Variants in FRAS1 observed in about 807,000 individuals in gnomAD.
The protein encoded by FRAS1 is extracellular matrix organizing protein FRAS1.
A neutral mutation model predicts 435.2 loss-of-function variants in FRAS1; 290 were observed. The observed-to-expected ratio is 0.67, with a 90% CI of 0.61 to 0.73. The LOEUF is 0.73. Ranked by LOEUF, FRAS1 falls within the 30% of genes least tolerant of loss-of-function variation. FRAS1 has a pLI of 0.00. For synonymous variants in FRAS1, 1,800 were observed against 1,851.0 expected (o/e 0.97, Z 0.71); for missense variants, 4,860 against 5,001.5 (o/e 0.97, Z 0.85).
chr4:78,366,091 G>A (rs1221386955), intron 22 of FRAS1, among the ~76,000 whole-genome samples: 1 of 152,196 alleles, frequency 6.6e-6, no homozygotes, highest in Non-Finnish European at 1.5e-5. Context: ...ATTAAGGGAG[G>A]CAGTCATAAC....
chr4:78,160,382 A>G (rs61043282), intron 2 of FRAS1, among the ~76,000 whole-genome samples: 1,541 of 152,324 alleles, frequency 0.01, 28 homozygotes, highest in African/African-American at 0.035. Flanking sequence ...CAACATATCA[A>G]ATATGCAGAC....
intron 2 of FRAS1, among the ~76,000 whole-genome samples, chr4:78,235,691 G>A (rs576805691): frequency 8.0e-4 from 122 of 152,342 alleles, no homozygotes; most frequent in Non-Finnish European, 1.4e-3. Flanking sequence ...GCTCATGCCT[G>A]TAGGCCCAGC....
chr4:78,094,943 A>G (rs1385161674), intron 2 of FRAS1, among the ~76,000 whole-genome samples: 1 of 152,156 alleles, frequency 6.6e-6, no homozygotes, highest in African/African-American at 2.4e-5. Context: ...GTTTATATAT[A>G]TTATTTAATC....
At chr4:78,270,440 G>A (rs1726604882) in intron 9 of FRAS1, among the ~76,000 whole-genome samples, 2 of 152,124 alleles carry the variant, frequency 1.3e-5, no homozygotes, top group Non-Finnish European at 2.9e-5. Flanking sequence ...AGCAGGGCAA[G>A]GCAGCTCACA....
At chr4:78,357,892 C>A (rs1406748789) in intron 20 of FRAS1, among the ~76,000 whole-genome samples, 3 of 152,158 alleles carry the variant, frequency 2.0e-5, no homozygotes, top group African/African-American at 7.2e-5. Context: ...CAGAGGGACA[C>A]TTTGTCTTAC....
chr4:78,266,695 T>G (rs1235592505), intron 7 of FRAS1, 139 bp from the exon 8 acceptor site: 4 of 670,116 alleles, frequency 6.0e-6, no homozygotes, highest in African/African-American at 5.4e-5. Flanking sequence ...CCTATCTAAA[T>G]GTTTTCATTT....
chr4:78,240,785 C>G (rs943139276), intron 3 of FRAS1, among the ~76,000 whole-genome samples: 1 of 152,140 alleles, frequency 6.6e-6, no homozygotes, highest in Non-Finnish European at 1.5e-5. Context: ...TTGGGGAGCA[C>G]AGTCATTTAA....
chr4:78,292,890 G>T (rs940052878), intron 14 of FRAS1, among the ~76,000 whole-genome samples: 8 of 152,156 alleles, frequency 5.3e-5, no homozygotes, highest in African/African-American at 1.9e-4. Context: ...TAAATCCTAT[G>T]CATTGTTCAG....
intron 2 of FRAS1, chr4:78,181,075 T>G: frequency 1.3e-6 from 2 of 1,568,546 alleles, no homozygotes; most frequent in Non-Finnish European, 1.8e-6. Context: ...TGATGGTCCA[T>G]AACTGAATCC....
chr4:78,194,823 G>A (rs1474411825), intron 2 of FRAS1, among the ~76,000 whole-genome samples: 8 of 152,120 alleles, frequency 5.3e-5, no homozygotes, highest in African/African-American at 1.2e-4. Context: ...GAGGAGCTGC[G>A]TTCCTTTGGA....
chr4:78,421,390 C>T (rs1417262388), intron 33 of FRAS1, among the ~76,000 whole-genome samples: 1 of 152,092 alleles, frequency 6.6e-6, no homozygotes, highest in African/African-American at 2.4e-5. Flanking sequence ...TCAGGTGATC[C>T]ACCCACCTCA....
chr4:78,152,653 CTGAT>C (rs1720718346), intron 2 of FRAS1, among the ~76,000 whole-genome samples: 1 of 100,568 alleles, frequency 9.9e-6, no homozygotes, highest in Non-Finnish European at 1.8e-5. Flanking sequence ...GCGATATTTG[CTGAT>C]TGATTGAGAA....
intron 3 of FRAS1, among the ~76,000 whole-genome samples, chr4:78,238,135 A>G (rs1202619959): frequency 6.6e-6 from 1 of 152,062 alleles, no homozygotes; most frequent in Non-Finnish European, 1.5e-5. Flanking sequence ...TGGGTCTGCC[A>G]CTGATTGTAT....
Position 78,375,788 on chromosome 4 carries a change from CTG to C in FRAS1, c.3204_3205del (p.Cys1068Ter), listed in dbSNP as rs754797599. ...QCSHRDRCHL[C>X]DHGFFLKSGL... ...GCAGCCACAGGGACCGTTGTCACCTCTGTGACCATGGGTTCTTTCTGAAGAGT... is the reference window on the plus strand; with the variant it reads ...GCAGCCACAGGGACCGTTGTCACCTCTGACCATGGGTTCTTTCTGAAGAGT... On this transcript the variant is annotated frameshift_variant, in exon 26 of 74. Transcript: ENST00000512123. LOFTEE classifies it high-confidence loss of function. 1.9e-6 allele frequency: 3 copies of C among 1,612,090 alleles called. No individual in the cohort carries two copies. Among genetic ancestry groups the C allele is most frequent in the Non-Finnish European group, 2.5e-6 (3 of 1,179,024 alleles).
At position 78,511,409 on chromosome 4, in the gene FRAS1, A is replaced by T. The variant is rs753667156; in HGVS notation, c.9916A>T (p.Thr3306Ser). ...TIGTDSAICH[T>S]PVVAGTSRGF... ...TGGAACAGACAGTGCTATCTGCCACACACCAGTGGTGGCTGGGACATCCAG... is the reference window on the plus strand; with the variant it reads ...TGGAACAGACAGTGCTATCTGCCACTCACCAGTGGTGGCTGGGACATCCAG... Residue 3306 changes from threonine to serine, a missense_variant, in exon 64 of 74, where the codon ACA (threonine) becomes TCA (serine). By Grantham distance (58) the Thr-to-Ser change is moderately conservative. Transcript: ENST00000512123. The T allele has an allele frequency of 5.0e-6, 8 of 1,613,924 alleles. No homozygotes were observed. Among genetic ancestry groups the T allele is most frequent in the Non-Finnish European group, 3.4e-6 (4 of 1,179,806 alleles).
chr4:78,451,697 A>C, intron 45 of FRAS1, 75 bp from the exon 46 acceptor site: 1 of 1,262,656 alleles, frequency 7.9e-7, no homozygotes, highest in Non-Finnish European at 1.1e-6. Context: ...ACACCAATTG[A>C]ATTCACACCT....
intron 58 of FRAS1, among the ~76,000 whole-genome samples, chr4:78,483,477 T>G (rs1010442713): frequency 1.3e-5 from 2 of 152,058 alleles, no homozygotes; most frequent in African/African-American, 4.8e-5. Context: ...AGCAGGACCC[T>G]CATTAGCATT....
intron 24 of FRAS1, among the ~76,000 whole-genome samples, chr4:78,373,126 C>T (rs190882207): frequency 4.7e-4 from 72 of 152,174 alleles, no homozygotes; most frequent in Non-Finnish European, 8.1e-4. Flanking sequence ...CTGTTACTTT[C>T]AGATTTTCTT....
intron 30 of FRAS1, among the ~76,000 whole-genome samples, chr4:78,404,515 T>G (rs1733027266): frequency 6.6e-6 from 1 of 152,116 alleles, no homozygotes; most frequent in Admixed American, 6.5e-5. Flanking sequence ...AAGGCACCTG[T>G]ATTCAGCATG....
Sources: gnomAD v4.1 joint callset for allele counts (sites outside exome capture counted in the v4.1 genomes callset) on GRCh38, gnomAD v4.1.1 for gene constraint, MANE v1.5 for transcripts, NCBI Gene and HGNC (gene_info 2026-07-23, HGNC 2026-07-21) for gene names.